ERGIC1: variants seen among roughly 807,000 people sequenced by gnomAD.
ERGIC1 encodes endoplasmic reticulum-Golgi intermediate compartment protein 1.
In ERGIC1, 19 loss-of-function variants were observed where a neutral mutation model predicts 38.3. The observed-to-expected ratio is 0.50, with a 90% CI of 0.35 to 0.73. The LOEUF (loss-of-function observed/expected upper bound fraction) is 0.73, where lower values mean the gene tolerates loss of function less well. Ranked by LOEUF, ERGIC1 falls within the 30% of genes least tolerant of loss-of-function variation. ERGIC1 has a pLI of 0.01. For synonymous variants in ERGIC1, 124 were observed against 157.6 expected (o/e 0.79, Z 1.60); for missense variants, 294 against 389.2 (o/e 0.76, Z 2.06).
intron 1 of ERGIC1, among the ~76,000 whole-genome samples, chr5:172,857,076 C>A (rs1443826565): frequency 6.6e-6 from 1 of 152,172 alleles, no homozygotes; most frequent in Non-Finnish European, 1.5e-5. Flanking sequence ...CACCAGTAGA[C>A]CTTAGGAACA....
chr5:172,924,717 A>G (rs1341696252), intron 6 of ERGIC1, among the ~76,000 whole-genome samples: 1 of 152,220 alleles, frequency 6.6e-6, no homozygotes, highest in Non-Finnish European at 1.5e-5. Flanking sequence ...CACAGAAACT[A>G]CAGTCCCAAG....
chr5:172,920,063 C>T (rs1763470068), intron 5 of ERGIC1, among the ~76,000 whole-genome samples: 1 of 152,204 alleles, frequency 6.6e-6, no homozygotes, highest in African/African-American at 2.4e-5. Flanking sequence ...CCCTGGCCCT[C>T]TGAGCTCACT....
chr5:172,855,396 A>G (rs1268666164), intron 1 of ERGIC1, among the ~76,000 whole-genome samples: 4 of 152,058 alleles, frequency 2.6e-5, no homozygotes, highest in Non-Finnish European at 5.9e-5. Flanking sequence ...TCGCTGGCCC[A>G]TTTGCTCACT....
chr5:172,891,106 G>A (rs1762548221), intron 2 of ERGIC1, among the ~76,000 whole-genome samples: 1 of 152,254 alleles, frequency 6.6e-6, no homozygotes, highest in Non-Finnish European at 1.5e-5. Flanking sequence ...GTCTTGTGCA[G>A]GGCACGTACT....
At chr5:172,900,150 G>A (rs953390322) in intron 3 of ERGIC1, among the ~76,000 whole-genome samples, 1 of 152,184 alleles carries the variant, frequency 6.6e-6, no homozygotes, top group African/African-American at 2.4e-5. Flanking sequence ...GCCAACAAGT[G>A]AGTTTTGACG....
intron 3 of ERGIC1, among the ~76,000 whole-genome samples, chr5:172,900,967 A>G (rs1762862191): frequency 6.6e-6 from 1 of 152,172 alleles, no homozygotes; most frequent in Admixed American, 6.5e-5. Flanking sequence ...TCGAGAGGAG[A>G]AAGCATCACA....
intron 5 of ERGIC1, chr5:172,920,494 A>G (rs1763483906): frequency 2.8e-6 from 2 of 716,460 alleles, no homozygotes; most frequent in South Asian, 3.0e-5. Flanking sequence ...GGTGAGGGGT[A>G]TGGGGCCTGG....
chr5:172,848,718 TAGAG>T (rs1322869938), intron 1 of ERGIC1, among the ~76,000 whole-genome samples: 1 of 152,068 alleles, frequency 6.6e-6, no homozygotes, highest in African/African-American at 2.4e-5. Flanking sequence ...ATGAAGGAAG[TAGAG>T]AGACAGGGAG....
rs1554110408 is a variant in ERGIC1, at chr5:172,893,935, G to GTATATA, written c.83-3053_83-3048dup. On this transcript the variant is annotated intron_variant, in intron 2 of 9. Transcript: ENST00000393784. The stretch of plus-strand genomic sequence containing the variant: ...TGTGTGTGTGTGTGTGTGTGTGTGT[G>GTATATA]TATATATATATATATATATTTAAAT... Among the ~76,000 whole-genome samples, 78 of 42,782 alleles carry GTATATA rather than the reference G, an allele frequency of 1.8e-3. 1 individual carries two copies. Among genetic ancestry groups the GTATATA allele is most frequent in the African/African-American group, 3.8e-3 (46 of 12,024 alleles). 28.1% of individuals were successfully genotyped at this position (42,782 alleles called of 152,430 possible).
At chr5:172,937,497 C>T (rs556846915) in intron 9 of ERGIC1, 1 of 152,316 alleles carries the variant, frequency 6.6e-6, no homozygotes, top group South Asian at 2.1e-4. Context: ...AAGACCCCCT[C>T]CCTACAAAAG....
At chr5:172,901,304 C>T (rs542914464) in intron 3 of ERGIC1, among the ~76,000 whole-genome samples, 58 of 152,228 alleles carry the variant, frequency 3.8e-4, no homozygotes, top group Non-Finnish European at 7.1e-4. Context: ...TTGGACAGGC[C>T]GTTAATTATC....
At chr5:172,899,970 A>C (rs1762828367) in intron 3 of ERGIC1, among the ~76,000 whole-genome samples, 1 of 152,166 alleles carries the variant, frequency 6.6e-6, no homozygotes, top group Non-Finnish European at 1.5e-5. Flanking sequence ...AACTCTAAAA[A>C]GGTTTTAAGG....
At chr5:172,901,603 TTTTG>T (rs1313921649) in intron 3 of ERGIC1, among the ~76,000 whole-genome samples, 2 of 152,154 alleles carry the variant, frequency 1.3e-5, no homozygotes, top group African/African-American at 2.4e-5. Flanking sequence ...TATTTTTATT[TTTTG>T]TTTGTTTGTT....
rs150062599 is a variant in ERGIC1 at position 172,869,419 on chromosome 5, C to T, written c.21-19280C>T. On this transcript the variant is annotated intron_variant, in intron 1 of 9. Transcript: ENST00000393784. ...TGAAGTCGCTAGCCATGACTCACAC[C>T]GAGTGGGATGGGGAGGGCCAAGCTG... 1.1e-3 allele frequency among the ~76,000 whole-genome samples: 170 copies of T among 152,290 alleles called. 1 individual carries two copies. The highest frequency in any genetic ancestry group is 1.3e-3 in the Non-Finnish European group (89 of 68,012).
At position 172,862,307 on chromosome 5, in the gene ERGIC1, C is replaced by CAAAAAAAAAAAAAAAAAAA. The variant is rs58968820; in HGVS notation, c.21-26385_21-26367dup. ...TGGGCAACTGAGTGAGACTACATCTCAAAAAAAAAAAAAAAAAAAAAAAAA... is the reference window on the plus strand; with the variant it reads ...TGGGCAACTGAGTGAGACTACATCTCAAAAAAAAAAAAAAAAAAAAAAAAAAAAAAAAAAAAAAAAAAAA... On this transcript the variant is annotated intron_variant, in intron 1 of 9. Transcript: ENST00000393784. Among the ~76,000 whole-genome samples, 2 of 49,480 alleles carry CAAAAAAAAAAAAAAAAAAA rather than the reference C, an allele frequency of 4.0e-5. 1 individual carries two copies. The highest frequency in any genetic ancestry group is 6.2e-5 in the Non-Finnish European group (2 of 32,004). 32.5% of individuals were successfully genotyped at this position (49,480 alleles called of 152,430 possible).
chr5:172,948,142 G>A (rs755342387), intron 9 of ERGIC1, among the ~76,000 whole-genome samples: 14 of 152,082 alleles, frequency 9.2e-5, no homozygotes, highest in Admixed American at 2.0e-4. Flanking sequence ...TCCCCCCAGC[G>A]CCCCCAGTCC....
Position 172,887,014 on chromosome 5 carries a change from G to T in ERGIC1, c.21-1685G>T, listed in dbSNP as rs75395395. ...ACAGGTGACTGGGAGCTAAGCAGGC[G>T]GCAGAGAAAGTGGTACCTTTGAACT... On this transcript the variant is annotated intron_variant, in intron 1 of 9. Transcript: ENST00000393784. Among the ~76,000 whole-genome samples, 1,159 of 152,272 alleles carry T rather than the reference G, an allele frequency of 7.6e-3. 17 individuals carry two copies. Among genetic ancestry groups the T allele is most frequent in the African/African-American group, 0.026 (1,100 of 41,544 alleles).
intron 1 of ERGIC1, among the ~76,000 whole-genome samples, chr5:172,876,984 T>C (rs1762152188): frequency 6.6e-6 from 1 of 152,222 alleles, no homozygotes; most frequent in Non-Finnish European, 1.5e-5. Flanking sequence ...CATTTTTCTT[T>C]TATTACTTGA....
chr5:172,905,605 C>T (rs758564753), intron 3 of ERGIC1: 2 of 354,960 alleles, frequency 5.6e-6, no homozygotes, highest in East Asian at 7.6e-5. Flanking sequence ...GCCTCTAGTC[C>T]GATCAGGAGC....
Sources: gnomAD v4.1 joint callset for allele counts (sites outside exome capture counted in the v4.1 genomes callset) on GRCh38, gnomAD v4.1.1 for gene constraint, MANE v1.5 for transcripts, NCBI Gene and HGNC (gene_info 2026-07-23, HGNC 2026-07-21) for gene names.